Variants in FAM107A observed in about 807,000 individuals in gnomAD.
FAM107A encodes family with sequence similarity 107 member A, also known as actin-associated protein FAM107A.
In FAM107A, 19 loss-of-function variants were observed where a neutral mutation model predicts 13.7. That is an observed-to-expected ratio of 1.38 (90% CI 0.97 to 2.03). The LOEUF (loss-of-function observed/expected upper bound fraction) is 2.03, where lower values mean the gene tolerates loss of function less well. FAM107A is among the 30% of genes most tolerant of loss of function. The pLI is 0.00. For synonymous variants in FAM107A, 82 were observed against 74.5 expected (o/e 1.10, Z -0.52); for missense variants, 203 against 184.4 (o/e 1.10, Z -0.58).
intron 2 of FAM107A, among the ~76,000 whole-genome samples, chr3:58,568,223 A>G (rs1245783373): frequency 6.6e-6 from 1 of 152,142 alleles, no homozygotes; most frequent in Non-Finnish European, 1.5e-5. Flanking sequence ...TCACGAGGTC[A>G]GGAGACCGAG....
At chr3:58,599,695 C>CCTTTT (rs1559483413) in intron 1 of FAM107A, among the ~76,000 whole-genome samples, 1 of 45,744 alleles carries the variant, frequency 2.2e-5, no homozygotes, top group Non-Finnish European at 5.3e-5. Context: ...ACAAGTGCAC[C>CCTTTT]ATTTTTTTTT....
intron 3 of FAM107A, chr3:58,566,991 C>T: frequency 1.6e-6 from 1 of 626,124 alleles, no homozygotes; most frequent in Non-Finnish European, 2.8e-6. Context: ...ATGCAGTACA[C>T]TGGGCCAGTG....
At chr3:58,597,885 G>T (rs1009885291) in intron 1 of FAM107A, among the ~76,000 whole-genome samples, 2 of 152,248 alleles carry the variant, frequency 1.3e-5, no homozygotes, top group African/African-American at 4.8e-5. Flanking sequence ...ACTTGAGGCA[G>T]TCTGACTCAG....
At chr3:58,583,199 G>A (rs2065567243) in intron 1 of FAM107A, among the ~76,000 whole-genome samples, 1 of 152,240 alleles carries the variant, frequency 6.6e-6, no homozygotes, top group South Asian at 2.1e-4. Context: ...GCATAGCAAG[G>A]TTTGGAAGGA....
At chr3:58,620,839 C>T (rs528715460) in intron 1 of FAM107A, among the ~76,000 whole-genome samples, 156 of 152,290 alleles carry the variant, frequency 1.0e-3, no homozygotes, top group Middle Eastern at 3.4e-3. Flanking sequence ...AATAAAAGCC[C>T]CATTAGGAGG....
In FAM107A at chr3:58,582,956, G is replaced by A. The variant is rs546220171; in HGVS notation, c.79+3902C>T. On this transcript the variant is annotated intron_variant, in intron 1 of 3. Transcript: ENST00000447756. ...TGGCATTACAGGCACCTGCCATCAC[G>A]CCTAGCTAATTTTTGTATTTTTGGT... Among the ~76,000 whole-genome samples, 8 of 152,178 alleles carry A rather than the reference G, an allele frequency of 5.3e-5. No homozygotes were observed. In the South Asian group the frequency reaches 1.0e-3, roughly 20 times the overall value.
At chr3:58,579,306 G>T (rs2065497673), upstream of FAM107A, among the ~76,000 whole-genome samples, 1 of 152,136 alleles carries the variant, frequency 6.6e-6, no homozygotes, top group Non-Finnish European at 1.5e-5. Context: ...GGGAGGGACA[G>T]GGCAGGCATG....
intron 1 of FAM107A, among the ~76,000 whole-genome samples, chr3:58,602,480 T>A (rs1207737573): frequency 6.6e-6 from 1 of 152,138 alleles, no homozygotes; most frequent in Non-Finnish European, 1.5e-5. Flanking sequence ...TTGAACACAT[T>A]TCACAAAGAT....
rs2063634140 is a variant in FAM107A at position 58,567,431 on chromosome 3, C to T, written c.171-67G>A. On this transcript the variant is annotated intron_variant, in intron 2 of 3. Coordinates refer to ENST00000360997, the MANE Select transcript of FAM107A (RefSeq NM_001076778.3). Reference sequence around the variant, plus strand: ...CCCGCTTCCCCCAGCCTCAGGGCTGCTTCCTGCGGTGACACCAACCCCCAT... The same window carrying T: ...CCCGCTTCCCCCAGCCTCAGGGCTGTTTCCTGCGGTGACACCAACCCCCAT... 2.6e-6 allele frequency: 4 copies of T among 1,518,272 alleles called. No individual in the cohort carries two copies. In the East Asian group the frequency reaches 7.2e-5, roughly 27 times the overall value. 94.1% of individuals were successfully genotyped at this position (1,518,272 alleles called of 1,614,324 possible).
At chr3:58,570,316 A>C (rs1354101290) in intron 1 of FAM107A, 1 of 900,400 alleles carries the variant, frequency 1.1e-6, no homozygotes, top group Non-Finnish European at 1.3e-6. Flanking sequence ...TGATAAAAAG[A>C]AAGTATTACC....
At position 58,567,227 on chromosome 3, in the gene FAM107A, C is replaced by G. The variant is rs750820423; in HGVS notation, c.308G>C (p.Arg103Pro). 1.2e-6 allele frequency: 2 copies of G among 1,614,172 alleles called. No homozygotes were observed. Among genetic ancestry groups the G allele is most frequent in the Non-Finnish European group, 1.7e-6 (2 of 1,180,018 alleles). The change falls in exon 3 of 4, where the codon CGG becomes CCG. Residue 103 changes from arginine to proline, a missense_variant. Transcript: ENST00000360997. ...QCPFEQELLR[R>P]QQRLNQLEKP... ...ACCCACCTGGTTCAGCCTCTGCTGC[C>G]GTCTCAGCAGCTCCTGCTCAAAGGG...
chr3:58,580,737 G>T (rs1307870463), upstream of FAM107A, among the ~76,000 whole-genome samples: 1 of 151,958 alleles, frequency 6.6e-6, no homozygotes, highest in East Asian at 1.9e-4. Context: ...ACCTCTCTGG[G>T]GGCTCATTTA....
At chr3:58,601,187 A>G (rs912250535) in intron 1 of FAM107A, among the ~76,000 whole-genome samples, 1 of 152,202 alleles carries the variant, frequency 6.6e-6, no homozygotes, top group Non-Finnish European at 1.5e-5. Flanking sequence ...TGATAAAGCC[A>G]TTTAAATTAT....
intron 1 of FAM107A, among the ~76,000 whole-genome samples, chr3:58,619,690 C>T (rs2065935463): frequency 6.6e-6 from 1 of 152,240 alleles, no homozygotes; most frequent in Non-Finnish European, 1.5e-5. Context: ...ATTTCTCTCC[C>T]ATGGGGCTGT....
chr3:58,600,952 T>A (rs2065748329), intron 1 of FAM107A, among the ~76,000 whole-genome samples: 1 of 152,180 alleles, frequency 6.6e-6, no homozygotes, highest in South Asian at 2.1e-4. Context: ...CGTTTTGTAA[T>A]CAGATGCAGC....
At chr3:58,574,639 G>A (rs939175568) in intron 1 of FAM107A, among the ~76,000 whole-genome samples, 1 of 152,214 alleles carries the variant, frequency 6.6e-6, no homozygotes, top group Non-Finnish European at 1.5e-5. Context: ...ACCAGTAGGC[G>A]ACAGCTATTG....
chr3:58,605,008 C>T (rs1309031824), intron 1 of FAM107A, among the ~76,000 whole-genome samples: 2 of 152,190 alleles, frequency 1.3e-5, no homozygotes, highest in African/African-American at 4.8e-5. Context: ...TGTTTTTGCA[C>T]TCCTGCAAAG....
intron 1 of FAM107A, among the ~76,000 whole-genome samples, chr3:58,573,053 A>G (rs1165208037): frequency 2.0e-5 from 3 of 151,180 alleles, no homozygotes; most frequent in Non-Finnish European, 4.4e-5. Context: ...TTAAAAAAAA[A>G]ATTAATTAAA....
Position 58,626,950 on chromosome 3 carries a change from A to G in FAM107A, c.-70+466T>C, listed in dbSNP as rs908547332. 3.3e-6 allele frequency: 5 copies of G among 1,535,614 alleles called. No homozygotes were observed. In the African/African-American group the frequency reaches 6.8e-5, roughly 21 times the overall value. On this transcript the variant is annotated intron_variant, in intron 1 of 3. Coordinates refer to the FAM107A transcript ENST00000465970. ...CCCTTCCCATGACCAGGGCCCCAAC[A>G]GGACACTTAGAGGTTCCTACCTTCT...
Sources: allele counts gnomAD v4.1 joint callset (sites outside exome capture counted in the v4.1 genomes callset), GRCh38; gene constraint gnomAD v4.1.1; transcripts MANE v1.5; gene names NCBI Gene and HGNC (gene_info 2026-07-23, HGNC 2026-07-21).